The following TEP1 variants were observed in gnomAD, a reference collection of about 807,000 sequenced individuals.
TEP1 encodes the protein telomerase protein component 1.
A neutral mutation model predicts 306.3 loss-of-function variants in TEP1; 241 were observed. The observed-to-expected ratio is 0.79, with a 90% CI of 0.71 to 0.88. The LOEUF is 0.88. Ranked by LOEUF, TEP1 falls within the 40% of genes least tolerant of loss-of-function variation. The pLI is 0.00. For missense variants in TEP1, 3,051 were observed against 3,276.1 expected, an observed-to-expected ratio of 0.93 and a Z score of 1.68; for synonymous variants, 1,289 against 1,305.5, an observed-to-expected ratio of 0.99 and a Z score of 0.27.
At position 20,378,792 on chromosome 14, in the gene TEP1, G is replaced by T. The variant is rs748921052; in HGVS notation, c.5314C>A (p.Arg1772=). ...CCCAAGCACACGGTGGCTAGCAGCCGGCAGTCTGGGCTCAGGCAGCAGCCA... is the reference window on the plus strand; with the variant it reads ...CCCAAGCACACGGTGGCTAGCAGCCTGCAGTCTGGGCTCAGGCAGCAGCCA... ...ITGCCLSPDC[R]LLATVCLGGC... Residue 1772 remains arginine, a synonymous_variant, in exon 37 of 55, where the codon CGG becomes AGG. Transcript: ENST00000262715. 1.1e-5 allele frequency: 18 copies of T among 1,614,010 alleles called. No homozygotes were observed. The highest frequency in any genetic ancestry group is 1.4e-5 in the Non-Finnish European group (17 of 1,180,026).
rs761875973 is a variant in TEP1, at chr14:20,382,278, G to A, written c.4219C>T (p.His1407Tyr). The change falls in exon 29 of 55, where the codon CAC (histidine) becomes TAC (tyrosine). Residue 1407 changes from histidine to tyrosine, a missense_variant. Physicochemically the swap from His to Tyr is moderately conservative, Grantham distance 83. Transcript: ENST00000262715. ...QHILSTLEKE[H>Y]GPDVLPQALT... ...GCCTGGGGAAGGACATCAGGCCCGT[G>A]CTCCTTCTCCAGTGTGCTCAGGATG... 2.5e-6 allele frequency: 4 copies of A among 1,614,150 alleles called. No individual in the cohort carries two copies. Among genetic ancestry groups the A allele is most frequent in the Non-Finnish European group, 3.4e-6 (4 of 1,180,022 alleles).
rs544065551 is a variant in TEP1 at position 20,375,694 on chromosome 14, G to T, written c.6363+61C>A. The T allele has an allele frequency of 1.1e-4, 109 of 1,035,670 alleles. No individual in the cohort carries two copies. In the African/African-American group the frequency reaches 1.5e-3, roughly 14 times the overall value. 64.2% of individuals were successfully genotyped at this position (1,035,670 alleles called of 1,614,324 possible). ...GGTGCCAGAAAAAGGACGAGGTGGGGAGTGTTGTCTTGCCCCAGGAACCCA... is the reference window on the plus strand; with the variant it reads ...GGTGCCAGAAAAAGGACGAGGTGGGTAGTGTTGTCTTGCCCCAGGAACCCA... On this transcript the variant is annotated intron_variant, in intron 43 of 54. Transcript: ENST00000262715.
chr14:20,376,071 G>T (rs1170346492), intron 42 of TEP1, 33 bp downstream of exon 42: 1 of 1,606,184 alleles, frequency 6.2e-7, no homozygotes, highest in Non-Finnish European at 8.5e-7. Flanking sequence ...GAGAGGCTAT[G>T]GGACCCCAGG....
intron 41 of TEP1, 84 bp from the exon 42 acceptor site, chr14:20,376,348 T>C (rs1424521373): frequency 2.1e-6 from 3 of 1,445,678 alleles, no homozygotes; most frequent in South Asian, 1.3e-5. Context: ...GGAGCGGCCA[T>C]GGGGGCTGAG....
intron 17 of TEP1, 71 bp from the exon 18 acceptor site, chr14:20,388,134 G>A: frequency 6.4e-7 from 1 of 1,553,228 alleles, no homozygotes; most frequent in South Asian, 1.2e-5. Flanking sequence ...TCCGAAAAGG[G>A]CAGGGGGAAA....
In TEP1 at chr14:20,411,568, T is replaced by C. The variant is rs539336147; in HGVS notation, c.-25+1837A>G. Among the ~76,000 whole-genome samples the C allele has an allele frequency of 3.9e-5, 6 of 152,254 alleles. No homozygotes were observed. The South Asian group carries it at 6.2e-4, about 16-fold the overall frequency. The stretch of plus-strand genomic sequence containing the variant: ...ATCACCTGTTTGTCTTTCTTCCCAA[T>C]AGACCATTAAGTTCCTGAGGAGAGA... On this transcript the variant is annotated intron_variant, in intron 1 of 54. Coordinates refer to ENST00000262715, the MANE Select transcript of TEP1 (RefSeq NM_007110.5).
intron 20 of TEP1, 72 bp from the exon 21 acceptor site, chr14:20,385,181 C>T (rs1358017532): frequency 4.4e-6 from 7 of 1,584,230 alleles, no homozygotes; most frequent in Middle Eastern, 4.1e-4. Flanking sequence ...TGCCAAGGCC[C>T]CAGGACTCCT....
intron 17 of TEP1, 24 bp downstream of exon 17, chr14:20,389,214 C>T (rs1212549404): frequency 3.1e-6 from 5 of 1,610,808 alleles, no homozygotes; most frequent in Non-Finnish European, 4.2e-6. Flanking sequence ...GTATCCAACC[C>T]TTCAGTATCC....
chr14:20,409,332 A>G (rs1183588132), intron 1 of TEP1, among the ~76,000 whole-genome samples: 1 of 152,140 alleles, frequency 6.6e-6, no homozygotes, highest in Non-Finnish European at 1.5e-5. Context: ...CTTAACATCA[A>G]TGCTCCTTGC....
rs1468961470 is a variant in TEP1 at position 20,404,619 on chromosome 14, G to A, written c.1024C>T (p.Leu342Phe). 1 of 1,613,044 alleles carries A rather than the reference G, an allele frequency of 6.2e-7. No homozygotes were observed. Among genetic ancestry groups the A allele is most frequent in the East Asian group, 2.2e-5 (1 of 44,802 alleles). ...LPSDWIQVAELYQSLAEGDKN... is the reference protein window; with the variant it reads ...LPSDWIQVAEFYQSLAEGDKN... ...GGAAATGAGCACCATACCTGGTAAA[G>A]CTCAGCCACCTGGATCCAGTCAGAA... The change falls in exon 5 of 55, where the codon CTT becomes TTT. Residue 342 changes from leucine to phenylalanine, a missense_variant. Around this residue, in one of 3 missense-constraint regions of TEP1, gnomAD observed 1,507 missense variants for 1,550.5 expected, o/e 0.97. Coordinates refer to ENST00000262715, the MANE Select transcript of TEP1 (RefSeq NM_007110.5).
chr14:20,391,757 A>G lies in TEP1; in HGVS notation c.1939T>C (p.Tyr647His). The change falls in exon 13 of 55, where the codon TAT becomes CAT. Residue 647 changes from tyrosine to histidine, a missense_variant. This residue lies in a region of TEP1 where 1,507 missense variants were observed against 1,550.5 expected (regional missense o/e 0.97). Transcript: ENST00000262715. ...TACCTGTTCAGCATCTCACCATCAT[A>G]TTTCCACTGTCTACATGCAAGAAAG... The part of the protein sequence containing the change: ...LRVHKARQWK[Y>H]DGEMLNRYRQ... 1 of 1,614,044 alleles carries G rather than the reference A, an allele frequency of 6.2e-7. No homozygotes were observed.
Position 20,400,297 on chromosome 14 carries a change from C to CGT in TEP1, c.1549+685_1549+686dup, listed in dbSNP as rs143928751. On this transcript the variant is annotated intron_variant, in intron 9 of 54. Transcript: ENST00000262715. Reference sequence around the variant, plus strand: ...GTGTATGTGTGTTTGTGTGTGGGTGCGTGTGTGTGTGTGTGCAGTGGCTCA... The same window carrying CGT: ...GTGTATGTGTGTTTGTGTGTGGGTGCGTGTGTGTGTGTGTGTGCAGTGGCTCA... 4.5e-3 allele frequency among the ~76,000 whole-genome samples: 669 copies of CGT among 147,216 alleles called. 3 individuals carry two copies. Among genetic ancestry groups the CGT allele is most frequent in the South Asian group, 0.011 (49 of 4,654 alleles).
intron 16 of TEP1, 43 bp from the exon 17 acceptor site, chr14:20,389,340 C>G (rs1594351672): frequency 1.2e-6 from 2 of 1,604,266 alleles, no homozygotes; most frequent in Non-Finnish European, 1.7e-6. Context: ...CAAACAATAC[C>G]TGGAACACAG....
At position 20,381,204 on chromosome 14, in the gene TEP1, G is replaced by T; in HGVS notation, c.4647+109C>A. 1.6e-6 allele frequency: 2 copies of T among 1,274,758 alleles called. No homozygotes were observed. Among genetic ancestry groups the T allele is most frequent in the Non-Finnish European group, 2.3e-6 (2 of 872,376 alleles). The allele number at this position is 1,274,758 out of a possible 1,614,324, so 79.0% of individuals were successfully genotyped here. The stretch of plus-strand genomic sequence containing the variant: ...GAAAGGAAAGAGGTCAAGGGAGTTT[G>T]GGAGGGGTAATGGCGGCGGTGATGG... On this transcript the variant is annotated intron_variant, in intron 32 of 54. Coordinates refer to ENST00000262715, the MANE Select transcript of TEP1 (RefSeq NM_007110.5). This position sits in a 1 kb window ranked among gnomAD's most constrained non-coding sequence, Gnocchi z 4.0.
chr14:20,373,105 A>T lies in TEP1; in HGVS notation c.6857T>A (p.Val2286Glu). Residue 2286 changes from valine (V) to glutamate (E), a missense_variant, in exon 48 of 55, where the codon GTG (valine) becomes GAG (glutamate). Val to Glu is a moderately radical substitution (Grantham distance 121). Around this residue, in one of 3 missense-constraint regions of TEP1, gnomAD observed 1,540 missense variants for 1,705.9 expected, o/e 0.90. Coordinates refer to ENST00000262715, the MANE Select transcript of TEP1 (RefSeq NM_007110.5). The stretch of plus-strand genomic sequence containing the variant: ...CATGGAACCATCTGGTGCCCAAGCC[A>T]CAGCAGTGACGGCTGCAGAACTCCT... Reference protein sequence around the residue: ...IPRSSAAVTAVAWAPDGSMAV... With the variant: ...IPRSSAAVTAEAWAPDGSMAV... 1 of 1,614,232 alleles carries T rather than the reference A, an allele frequency of 6.2e-7. No homozygotes were observed. Among genetic ancestry groups the T allele is most frequent in the Non-Finnish European group, 8.5e-7 (1 of 1,180,034 alleles).
At chr14:20,387,449 G>C (rs1363559085) in intron 18 of TEP1, among the ~76,000 whole-genome samples, 1 of 150,804 alleles carries the variant, frequency 6.6e-6, no homozygotes, top group Non-Finnish European at 1.5e-5. Context: ...CTACTCGGGA[G>C]GCTGAGGCAG....
At position 20,383,114 on chromosome 14, in the gene TEP1, A is replaced by G. The variant is rs1020638441; in HGVS notation, c.4047+60T>C. The G allele has an allele frequency of 2.0e-6, 3 of 1,518,442 alleles. No homozygotes were observed. The African/African-American group carries it at 4.2e-5, about 21-fold the overall frequency. The allele number at this position is 1,518,442 out of a possible 1,614,324, so 94.1% of individuals were successfully genotyped here. On this transcript the variant is annotated intron_variant, in intron 27 of 54. Transcript: ENST00000262715. ...AGGCAGCTAGCGGCCTCGGCACCCC[A>G]GGTCCTCATAGCTCCCAGATTCACC...
Position 20,395,817 on chromosome 14 carries a change from G to A in TEP1, c.1750+42C>T, listed in dbSNP as rs762167017. On this transcript the variant is annotated intron_variant, in intron 11 of 54. Coordinates refer to ENST00000262715, the MANE Select transcript of TEP1 (RefSeq NM_007110.5). ...GGTGCTGCTGCTTCATTTATTGTCA[G>A]ATGTGGGAGGCAAAGAGGAGTTGGA... 2.5e-6 allele frequency: 4 copies of A among 1,585,396 alleles called. No homozygotes were observed. The East Asian group carries it at 9.0e-5, about 36-fold the overall frequency.
At chr14:20,385,242 T>G in intron 20 of TEP1, 133 bp from the exon 21 acceptor site, 1 of 1,036,972 alleles carries the variant, frequency 9.6e-7, no homozygotes, top group Non-Finnish European at 1.4e-6. Context: ...CAATAAAATA[T>G]AGCTAATAGC....
Sources: gnomAD v4.1 joint callset for allele counts (sites outside exome capture counted in the v4.1 genomes callset) on GRCh38, gnomAD v4.1.1 for gene constraint, gnomAD v4.1.1 regional missense constraint, Gnocchi (gnomAD v3.1) non-coding constraint, MANE v1.5 for transcripts, NCBI Gene and HGNC (gene_info 2026-07-23, HGNC 2026-07-21) for gene names.